The following PIK3CB variants were observed in gnomAD, a reference collection of about 807,000 sequenced individuals.
The protein encoded by PIK3CB is phosphatidylinositol 4,5-bisphosphate 3-kinase catalytic subunit beta isoform.
A neutral mutation model predicts 136.8 loss-of-function variants in PIK3CB; 39 were observed. The ratio of observed to expected loss-of-function variants is 0.29; its 90% CI spans 0.22 to 0.37. The LOEUF is 0.37. Ranked by LOEUF, PIK3CB falls within the 10% of genes least tolerant of loss-of-function variation. The probability of loss-of-function intolerance (pLI) is 1.00; values close to 1 mark genes in which losing one functional copy is unlikely to be tolerated. For synonymous variants in PIK3CB, 428 were observed against 436.6 expected, an observed-to-expected ratio of 0.98 and a Z score of 0.25; for missense variants, 868 against 1,275.4, an observed-to-expected ratio of 0.68 and a Z score of 4.87.
intron 6 of PIK3CB, among the ~76,000 whole-genome samples, chr3:138,737,487 A>C (rs1190877087): frequency 1.3e-5 from 2 of 150,980 alleles, no homozygotes; most frequent in African/African-American, 4.8e-5. Context: ...CTAAAATACA[A>C]ACATAACTGC....
At chr3:138,655,616 C>A (rs2108383540) in intron 23 of PIK3CB, 90 bp from the exon 24 acceptor site, 1 of 968,358 alleles carries the variant, frequency 1.0e-6, no homozygotes. Flanking sequence ...TTGGTTGTGC[C>A]TCCCCAGCCA....
intron 2 of PIK3CB, chr3:138,778,722 A>G (rs2045888363): frequency 8.6e-6 from 2 of 233,232 alleles, no homozygotes; most frequent in East Asian, 1.2e-4. Context: ...ATTGTTCTCA[A>G]TGACTACTTT....
intron 2 of PIK3CB, among the ~76,000 whole-genome samples, chr3:138,776,201 C>CA (rs200733132): frequency 0.014 from 2,031 of 147,616 alleles, 17 homozygotes; most frequent in Non-Finnish European, 0.021. Context: ...TCCATCTCAA[C>CA]AAAAAAAAAG....
chr3:138,804,204 A>G (rs910970218), intron 1 of PIK3CB, among the ~76,000 whole-genome samples: 1 of 152,138 alleles, frequency 6.6e-6, no homozygotes, highest in African/African-American at 2.4e-5. Flanking sequence ...TATAGAGAAA[A>G]AATACATGAA....
intron 8 of PIK3CB, among the ~76,000 whole-genome samples, chr3:138,725,790 T>C (rs2044823955): frequency 6.6e-6 from 1 of 152,256 alleles, no homozygotes; most frequent in African/African-American, 2.4e-5. Context: ...ACTGCTTTAA[T>C]GTCTTTGTGA....
chr3:138,825,827 C>T, intron 1 of PIK3CB: 1 of 1,134,210 alleles, frequency 8.8e-7, no homozygotes, highest in Non-Finnish European at 1.3e-6. Flanking sequence ...TGAAATGCAC[C>T]ATGAAGCTTT....
chr3:138,695,015 TTTAATTATTGA>T (rs1175961614), intron 13 of PIK3CB, 108 bp from the exon 14 acceptor site: 7 of 1,042,812 alleles, frequency 6.7e-6, no homozygotes, highest in Middle Eastern at 2.2e-4. Context: ...AAAGCTCACT[TTTAATTATTGA>T]TGCCTCAAAA....
intron 12 of PIK3CB, among the ~76,000 whole-genome samples, chr3:138,701,568 C>T (rs572191016): frequency 3.9e-4 from 59 of 152,072 alleles, no homozygotes; most frequent in Middle Eastern, 6.8e-3. Context: ...GGGCAGATCA[C>T]GGGGTCAAGA....
At chr3:138,692,179 G>A (rs2044024151) in intron 14 of PIK3CB, among the ~76,000 whole-genome samples, 2 of 152,128 alleles carry the variant, frequency 1.3e-5, no homozygotes, top group South Asian at 2.1e-4. Flanking sequence ...AAGGTATGAA[G>A]CCCAAGTGCC....
intron 1 of PIK3CB, among the ~76,000 whole-genome samples, chr3:138,801,097 A>G (rs367732220): frequency 6.6e-6 from 1 of 152,288 alleles, no homozygotes; most frequent in Non-Finnish European, 1.5e-5. Flanking sequence ...AAGTTCGATA[A>G]AAGTTTACCT....
At chr3:138,745,125 C>G (rs995656025) in intron 4 of PIK3CB, among the ~76,000 whole-genome samples, 1 of 152,172 alleles carries the variant, frequency 6.6e-6, no homozygotes, top group African/African-American at 2.4e-5. Flanking sequence ...GTGTAATACT[C>G]CCAGACTTTC....
chr3:138,763,948 TA>T (rs2045695543), intron 2 of PIK3CB, among the ~76,000 whole-genome samples: 1 of 150,516 alleles, frequency 6.6e-6, no homozygotes. Flanking sequence ...CCGTCTCTGT[TA>T]AAAATGCAAA....
intron 21 of PIK3CB, 116 bp from the exon 22 acceptor site, chr3:138,657,951 T>G: frequency 1.1e-6 from 1 of 927,360 alleles, no homozygotes; most frequent in Non-Finnish European, 1.6e-6. Flanking sequence ...TCTGAGCCCT[T>G]CTCCCTCTGT....
At position 138,796,516 on chromosome 3, in the gene PIK3CB, A is replaced by AT. The variant is rs989159324; in HGVS notation, c.-71dup. On this transcript the variant is annotated 5_prime_UTR_variant, in exon 2 of 24. The change creates a premature stop within an existing upstream ORF in the 5' untranslated region. Coordinates refer to ENST00000674063, the MANE Select transcript of PIK3CB (RefSeq NM_006219.3). ...TTTAGGAAAACAGATGGCATTACTTATTTTTTAAAAGTGACGTTTTCATGG... is the reference window on the plus strand; with the variant it reads ...TTTAGGAAAACAGATGGCATTACTTATTTTTTTAAAAGTGACGTTTTCATGG... 3.3e-5 allele frequency: 5 copies of AT among 151,976 alleles called. No individual in the cohort carries two copies. The highest frequency in any genetic ancestry group is 5.9e-5 in the Non-Finnish European group (4 of 68,008). 9.4% of individuals were successfully genotyped at this position (151,976 alleles called of 1,614,324 possible).
At chr3:138,753,758 A>T (rs1230880347) in intron 4 of PIK3CB, among the ~76,000 whole-genome samples, 1 of 152,028 alleles carries the variant, frequency 6.6e-6, no homozygotes. Flanking sequence ...GTGAGCTGAG[A>T]TCGCACCACT....
intron 14 of PIK3CB, among the ~76,000 whole-genome samples, chr3:138,693,230 A>G (rs1285028207): frequency 6.6e-6 from 1 of 151,888 alleles, no homozygotes; most frequent in African/African-American, 2.4e-5. Context: ...AGTAGCTGGG[A>G]CCACAGGTGC....
intron 1 of PIK3CB, among the ~76,000 whole-genome samples, chr3:138,818,180 G>T (rs6784610): frequency 1.3e-5 from 2 of 151,868 alleles, no homozygotes; most frequent in African/African-American, 4.8e-5. Flanking sequence ...AGTTTGACCA[G>T]AGAATAAAAT....
chr3:138,668,022 T>C (rs1247921521), intron 19 of PIK3CB, among the ~76,000 whole-genome samples: 1 of 151,742 alleles, frequency 6.6e-6, no homozygotes. Flanking sequence ...GAGCTGAGAT[T>C]GCACCATTGC....
chr3:138,725,887 T>C (rs533091068), intron 8 of PIK3CB, among the ~76,000 whole-genome samples: 1 of 152,340 alleles, frequency 6.6e-6, no homozygotes, highest in Non-Finnish European at 1.5e-5. Flanking sequence ...TCATTCTTTA[T>C]GTGTCAACTA....
Sources: gnomAD v4.1 joint callset for allele counts (sites outside exome capture counted in the v4.1 genomes callset) on GRCh38, gnomAD v4.1.1 for gene constraint, MANE v1.5 for transcripts, NCBI Gene and HGNC (gene_info 2026-07-23, HGNC 2026-07-21) for gene names.